The following UGT2A1 variants were observed in gnomAD, a reference collection of about 807,000 sequenced individuals.
UGT2A1 encodes the protein UDP glucuronosyltransferase family 2 member A1 complex locus.
Under a neutral mutation model 45.4 loss-of-function variants are expected in UGT2A1, and 61 were observed. That is an observed-to-expected ratio of 1.34 (90% CI 1.09 to 1.66). The LOEUF is 1.66. UGT2A1 is among the 40% of genes most tolerant of loss of function. The pLI is 0.00. For missense variants in UGT2A1, 649 were observed against 574.3 expected, an observed-to-expected ratio of 1.13 and a Z score of -1.33; for synonymous variants, 229 against 196.2, an observed-to-expected ratio of 1.17 and a Z score of -1.40.
chr4:69,631,706 C>A (rs1721397977), intron 3 of UGT2A1, among the ~76,000 whole-genome samples: 1 of 152,024 alleles, frequency 6.6e-6, no homozygotes, highest in Non-Finnish European at 1.5e-5. Context: ...CAGCTGACAA[C>A]CTGAAAAAGA....
chr4:69,603,686 G>A (rs1430804199), intron 3 of UGT2A1: 1 of 135,772 alleles, frequency 7.4e-6, no homozygotes, highest in African/African-American at 3.0e-5. Flanking sequence ...TTAGACGAAT[G>A]GCTAACTAGA....
chr4:69,595,296 A>G (rs1718857693), intron 4 of UGT2A1, 47 bp from the exon 5 acceptor site: 3 of 1,597,576 alleles, frequency 1.9e-6, no homozygotes, highest in Admixed American at 3.4e-5. Context: ...CACAATGAGG[A>G]CATTTTAAGT....
At chr4:69,631,125 C>T (rs574690474) in intron 3 of UGT2A1, among the ~76,000 whole-genome samples, 282 of 152,092 alleles carry the variant, frequency 1.9e-3, no homozygotes, top group Non-Finnish European at 3.1e-3. Context: ...ATATCAAATG[C>T]TTTATTTTTG....
At chr4:69,613,097 A>C (rs1171293858) in intron 3 of UGT2A1, among the ~76,000 whole-genome samples, 1 of 152,044 alleles carries the variant, frequency 6.6e-6, no homozygotes, top group Non-Finnish European at 1.5e-5. Flanking sequence ...TTCACAAAAG[A>C]AGACATACAA....
intron 3 of UGT2A1, among the ~76,000 whole-genome samples, chr4:69,604,174 C>T (rs1357919175): frequency 1.5e-5 from 2 of 136,030 alleles, no homozygotes; most frequent in South Asian, 2.4e-4. Flanking sequence ...AGAGAAAGGT[C>T]GGGTTACCCA....
chr4:69,627,411 T>G (rs1721121612), intron 3 of UGT2A1, among the ~76,000 whole-genome samples: 1 of 151,484 alleles, frequency 6.6e-6, no homozygotes, highest in Admixed American at 6.6e-5. Flanking sequence ...ATGCATAGAT[T>G]ATAACAAAAT....
At chr4:69,620,671 C>G (rs1240993527) in intron 3 of UGT2A1, among the ~76,000 whole-genome samples, 1 of 148,844 alleles carries the variant, frequency 6.7e-6, no homozygotes, top group Admixed American at 6.7e-5. Context: ...AAAAAAAGAG[C>G]CACAAAAGCC....
rs1405443033 is a variant in UGT2A1, at chr4:69,595,264, G to A, written c.997-15C>T. The A allele has an allele frequency of 6.2e-7, 1 of 1,612,488 alleles. No individual in the cohort carries two copies. The highest frequency in any genetic ancestry group is 8.5e-7 in the Non-Finnish European group (1 of 1,179,512). ...CTCCATAAAACCTGTGGAAAATGGTGCTTTAATTTTGCAAGGAAAAACACA... is the reference window on the plus strand; with the variant it reads ...CTCCATAAAACCTGTGGAAAATGGTACTTTAATTTTGCAAGGAAAAACACA... On this transcript the variant is annotated splice_polypyrimidine_tract_variant and intron_variant, in intron 4 of 6. Transcript: ENST00000286604.
At chr4:69,636,815 T>C (rs1299984863) in intron 2 of UGT2A1, among the ~76,000 whole-genome samples, 1 of 151,900 alleles carries the variant, frequency 6.6e-6, no homozygotes, top group Non-Finnish European at 1.5e-5. Flanking sequence ...TATCATATGA[T>C]CCTCCTAACG....
chr4:69,597,574 A>C (rs1280060687), intron 4 of UGT2A1, among the ~76,000 whole-genome samples: 1 of 152,192 alleles, frequency 6.6e-6, no homozygotes, highest in East Asian at 1.9e-4. Context: ...TAGCCAAATA[A>C]CTAGGGGAGG....
chr4:69,634,757 G>C (rs1721583016), intron 3 of UGT2A1, among the ~76,000 whole-genome samples: 1 of 152,018 alleles, frequency 6.6e-6, no homozygotes, highest in Non-Finnish European at 1.5e-5. Flanking sequence ...AAGAAAAAGG[G>C]AGATTCCTCA....
At chr4:69,608,143 C>A (rs6832784) in intron 3 of UGT2A1, among the ~76,000 whole-genome samples, 38,620 of 151,858 alleles carry the variant, frequency 0.25, 5,367 homozygotes, top group African/African-American at 0.36. Context: ...CAGCGCTATT[C>A]ACAATAGCAA....
At chr4:69,627,623 G>C (rs28560222) in intron 3 of UGT2A1, among the ~76,000 whole-genome samples, 2,460 of 150,708 alleles carry the variant, frequency 0.016, 36 homozygotes, top group Non-Finnish European at 0.026. Context: ...AGAGAAGAAA[G>C]AAAAAAGAAA....
At chr4:69,624,898 C>T (rs1367937917) in intron 3 of UGT2A1, among the ~76,000 whole-genome samples, 1 of 151,070 alleles carries the variant, frequency 6.6e-6, no homozygotes, top group African/African-American at 2.4e-5. Flanking sequence ...TCTCTCCATT[C>T]GTCTAGATCG....
Position 69,647,147 on chromosome 4 carries a change from T to C in UGT2A1, c.498A>G (p.Pro166=), listed in dbSNP as rs1319898957. 6 of 1,613,090 alleles carry C rather than the reference T, an allele frequency of 3.7e-6. No homozygotes were observed. The Admixed American group carries it at 5.0e-5, about 13-fold the overall frequency. ...GAGAAAACCTCAAGGAGTACATAAA[T>C]GGAATTCCAAGTTTTAAAGCTACTA... The part of the protein sequence containing the change: ...GDIVALKLGI[P]FMYSLRFSPA... Residue 166 remains proline, a synonymous_variant, in exon 2 of 7, where the codon CCA becomes CCG. Coordinates refer to ENST00000286604, the MANE Select transcript of UGT2A1 (RefSeq NM_001252275.3).
intron 2 of UGT2A1, among the ~76,000 whole-genome samples, chr4:69,643,491 C>A (rs1193629099): frequency 2.0e-5 from 3 of 151,460 alleles, no homozygotes; most frequent in Admixed American, 6.6e-5. Flanking sequence ...TTTTTTCTTG[C>A]AATGAACTGC....
At position 69,589,379 on chromosome 4, in the gene UGT2A1, CT is replaced by C. The variant is rs1446970084; in HGVS notation, c.1576del (p.Arg526GlufsTer57). On this transcript the variant is annotated frameshift_variant, in exon 7 of 7. Transcript: ENST00000286604. LOFTEE classifies it high-confidence loss of function. ...KFGKIGKKKK[R>X]E ...TTTCCTCTTTTTCTTGACCTATTCTCTTTTTTTCTTCTTTCCTATCTTACCA... is the reference window on the plus strand; with the variant it reads ...TTTCCTCTTTTTCTTGACCTATTCTCTTTTTTCTTCTTTCCTATCTTACCA... 2 of 1,610,844 alleles carry C rather than the reference CT, an allele frequency of 1.2e-6. No homozygotes were observed. Among genetic ancestry groups the C allele is most frequent in the East Asian group, 2.2e-5 (1 of 44,858 alleles).
chr4:69,589,507 C>T lies in UGT2A1; in HGVS notation c.1449G>A (p.Trp483Ter), dbSNP rs748837836. The T allele has an allele frequency of 9.5e-5, 153 of 1,613,902 alleles. No homozygotes were observed. The highest frequency in any genetic ancestry group is 1.2e-4 in the Non-Finnish European group (138 of 1,180,012). ...TTACATCCAAAGAGTGGTACTGGAA[C>T]CAGGTGAGGTCATGGGCTGCAACCC... ...HLRVAAHDLTWFQYHSLDVIG... is the reference protein window; with the variant it reads ...HLRVAAHDLT Residue 483 changes from tryptophan (W) to a stop codon, truncating the protein, a stop_gained, in exon 7 of 7, where the codon TGG (tryptophan) becomes TGA (stop). Transcript: ENST00000286604. LOFTEE classifies it high-confidence loss of function.
intron 3 of UGT2A1, among the ~76,000 whole-genome samples, chr4:69,614,716 G>T (rs1720270913): frequency 6.6e-6 from 1 of 152,012 alleles, no homozygotes; most frequent in Non-Finnish European, 1.5e-5. Context: ...ACATACATTG[G>T]GAAAGGAATG....
Sources: allele counts gnomAD v4.1 joint callset (sites outside exome capture counted in the v4.1 genomes callset), GRCh38; gene constraint gnomAD v4.1.1; transcripts MANE v1.5; gene names NCBI Gene and HGNC (gene_info 2026-07-23, HGNC 2026-07-21).